The following PRKCE variants were observed in gnomAD, a reference collection of about 807,000 sequenced individuals.
PRKCE encodes the protein protein kinase C epsilon type.
Under a neutral mutation model 85.4 loss-of-function variants are expected in PRKCE, and 16 were observed. The observed-to-expected ratio is 0.19, with a 90% CI of 0.13 to 0.28. The LOEUF (loss-of-function observed/expected upper bound fraction) is 0.28. Among genes scored for constraint, PRKCE ranks in the 10% least tolerant of loss-of-function variants. PRKCE has a pLI of 1.00. For missense variants in PRKCE, 573 were observed against 975.2 expected, an observed-to-expected ratio of 0.59 and a Z score of 5.49; for synonymous variants, 388 against 371.5, an observed-to-expected ratio of 1.04 and a Z score of -0.51.
At chr2:45,980,532 T>A (rs1702805464) in intron 5 of PRKCE, 151 bp downstream of exon 5, 4 of 731,464 alleles carry the variant, frequency 5.5e-6, no homozygotes, top group Non-Finnish European at 9.0e-6. Context: ...GTCCACGGTC[T>A]TCTGGCATGA....
rs539290305 is a variant in PRKCE, at chr2:46,108,230, G to GT, written c.1592+21870dup. 6.8e-4 allele frequency among the ~76,000 whole-genome samples: 104 copies of GT among 152,290 alleles called. 1 individual carries two copies. In the East Asian group the frequency reaches 0.019, roughly 28 times the overall value. On this transcript the variant is annotated intron_variant, in intron 11 of 14. Coordinates refer to ENST00000306156, the MANE Select transcript of PRKCE (RefSeq NM_005400.3). ...CTGGCCTTATTTTTGAGTTTTATGA[G>GT]TTCTGTGTATATTCTGAATACAAAT...
At chr2:45,834,444 C>T (rs1204571701) in intron 1 of PRKCE, among the ~76,000 whole-genome samples, 3 of 152,070 alleles carry the variant, frequency 2.0e-5, no homozygotes, top group South Asian at 4.1e-4. Context: ...TGTAAATGGG[C>T]GTAGAATAAA....
intron 13 of PRKCE, among the ~76,000 whole-genome samples, chr2:46,158,203 A>G (rs969901577): frequency 2.0e-5 from 3 of 152,196 alleles, no homozygotes; most frequent in Admixed American, 6.5e-5. Flanking sequence ...GGGGTCTAAG[A>G]TATCAACAGA....
At chr2:45,951,419 C>T (rs1224715096) in intron 2 of PRKCE, among the ~76,000 whole-genome samples, 2 of 152,222 alleles carry the variant, frequency 1.3e-5, no homozygotes, top group Non-Finnish European at 2.9e-5. Context: ...CATAATTCCT[C>T]CCTAACTCTG....
At chr2:46,093,468 G>C (rs533810043) in intron 11 of PRKCE, among the ~76,000 whole-genome samples, 30 of 148,964 alleles carry the variant, frequency 2.0e-4, no homozygotes, top group African/African-American at 7.4e-4. Context: ...CATTCAACTC[G>C]CAGCTGGGTC....
chr2:45,827,148 C>T (rs1344883892), intron 1 of PRKCE, among the ~76,000 whole-genome samples: 2 of 152,342 alleles, frequency 1.3e-5, no homozygotes, highest in East Asian at 1.9e-4. Flanking sequence ...CAGTCACACC[C>T]GTCTGCTTCA....
chr2:45,781,641 C>T (rs1247280142), intron 1 of PRKCE, among the ~76,000 whole-genome samples: 1 of 152,096 alleles, frequency 6.6e-6, no homozygotes, highest in Non-Finnish European at 1.5e-5. Context: ...CCACCCGCGC[C>T]CGCCCCCCGG....
At chr2:45,934,028 G>A (rs183820887) in intron 2 of PRKCE, among the ~76,000 whole-genome samples, 66 of 152,282 alleles carry the variant, frequency 4.3e-4, no homozygotes, top group Non-Finnish European at 9.0e-4. Flanking sequence ...ACTTTTCAGA[G>A]ATTTCCACCA....
chr2:45,755,134 G>A lies in PRKCE; in HGVS notation c.349-87866G>A, dbSNP rs539670981. On this transcript the variant is annotated intron_variant, in intron 1 of 14. Coordinates refer to ENST00000306156, the MANE Select transcript of PRKCE (RefSeq NM_005400.3). ...CCTCTCTGCTGCTTCCTGACCCAAG[G>A]GGGATGATTCTGATAGTCACCCTTG... Among the ~76,000 whole-genome samples, 13 of 152,276 alleles carry A rather than the reference G, an allele frequency of 8.5e-5. No individual in the cohort carries two copies. The South Asian group carries it at 2.7e-3, about 32-fold the overall frequency.
chr2:46,177,427 AG>A (rs1679528205), intron 14 of PRKCE, among the ~76,000 whole-genome samples: 1 of 152,324 alleles, frequency 6.6e-6, no homozygotes, highest in East Asian at 1.9e-4. Flanking sequence ...AGGTGTTGGC[AG>A]GGTCTTGCTC....
intron 1 of PRKCE, among the ~76,000 whole-genome samples, chr2:45,817,956 C>G (rs1450770901): frequency 2.6e-5 from 4 of 152,220 alleles, no homozygotes; most frequent in Non-Finnish European, 5.9e-5. Context: ...AACCATCAGA[C>G]CAGGCTCAGT....
At chr2:46,179,045 C>G (rs578163098) in intron 14 of PRKCE, among the ~76,000 whole-genome samples, 10 of 152,232 alleles carry the variant, frequency 6.6e-5, no homozygotes, top group African/African-American at 2.4e-4. Flanking sequence ...CAGAGGACCT[C>G]TGGGTTGGGG....
intron 1 of PRKCE, among the ~76,000 whole-genome samples, chr2:45,830,410 A>G (rs1318980301): frequency 6.6e-6 from 1 of 152,224 alleles, no homozygotes. Context: ...TTGTCAGAAA[A>G]TTTCAGAGGA....
At chr2:46,026,194 G>T (rs972247387) in intron 10 of PRKCE, among the ~76,000 whole-genome samples, 2 of 152,174 alleles carry the variant, frequency 1.3e-5, no homozygotes, top group African/African-American at 2.4e-5. Flanking sequence ...AGGATCATGG[G>T]AGTAAAAAGC....
intron 1 of PRKCE, among the ~76,000 whole-genome samples, chr2:45,791,119 G>C (rs1317733062): frequency 6.6e-6 from 1 of 152,186 alleles, no homozygotes; most frequent in African/African-American, 2.4e-5. Context: ...CTCTGAATTG[G>C]CTGGTAGAGG....
In PRKCE at chr2:45,855,526, G is replaced by A. The variant is rs367922304; in HGVS notation, c.412+12463G>A. Among the ~76,000 whole-genome samples, 253 of 152,292 alleles carry A rather than the reference G, an allele frequency of 1.7e-3. 2 individuals carry two copies. Among genetic ancestry groups the A allele is most frequent in the African/African-American group, 5.7e-3 (237 of 41,556 alleles). ...GGATTTGCTCCTTAATGTCTCTCTC[G>A]TGTAGCTGCACATGTGGAGTTTGTT... On this transcript the variant is annotated intron_variant, in intron 2 of 14. Transcript: ENST00000306156.
At chr2:46,062,065 T>C (rs1667194714) in intron 10 of PRKCE, among the ~76,000 whole-genome samples, 1 of 151,914 alleles carries the variant, frequency 6.6e-6, no homozygotes. Context: ...TTTCGCCATG[T>C]TGGTCAGGCT....
intron 11 of PRKCE, among the ~76,000 whole-genome samples, chr2:46,107,131 C>T (rs946195885): frequency 6.6e-6 from 1 of 152,136 alleles, no homozygotes; most frequent in Admixed American, 6.5e-5. Flanking sequence ...TGAAAAACCC[C>T]CTGTGCTTTA....
At chr2:45,799,029 G>C (rs1371810218) in intron 1 of PRKCE, among the ~76,000 whole-genome samples, 3 of 152,030 alleles carry the variant, frequency 2.0e-5, no homozygotes, top group Non-Finnish European at 4.4e-5. Context: ...AGCCGGGCAT[G>C]GTGGTGGGCT....
Sources: allele counts gnomAD v4.1 joint callset (sites outside exome capture counted in the v4.1 genomes callset), GRCh38; gene constraint gnomAD v4.1.1; transcripts MANE v1.5; gene names NCBI Gene and HGNC (gene_info 2026-07-23, HGNC 2026-07-21).